Variants in CACNA1D observed in about 807,000 individuals in gnomAD.
CACNA1D encodes voltage-dependent L-type calcium channel subunit alpha-1D.
A neutral mutation model predicts 257.1 loss-of-function variants in CACNA1D; 55 were observed. The ratio of observed to expected loss-of-function variants is 0.21; its 90% CI spans 0.17 to 0.27. The LOEUF is 0.27. CACNA1D is among the 10% of genes least tolerant of loss of function. CACNA1D has a pLI of 1.00. For missense variants in CACNA1D, 1,876 were observed against 2,784.0 expected (o/e 0.67, Z 7.34); for synonymous variants, 980 against 1,014.9 (o/e 0.97, Z 0.65).
At chr3:53,589,105 T>G (rs1363539915) in intron 3 of CACNA1D, among the ~76,000 whole-genome samples, 10 of 152,338 alleles carry the variant, frequency 6.6e-5, no homozygotes, top group African/African-American at 2.4e-4. Flanking sequence ...TCCAATGTAT[T>G]TAAACCTTTA....
At chr3:53,620,291 C>G (rs1239875480) in intron 3 of CACNA1D, among the ~76,000 whole-genome samples, 11 of 152,084 alleles carry the variant, frequency 7.2e-5, no homozygotes, top group Non-Finnish European at 1.2e-4. Context: ...GTCCATCTCT[C>G]TTTTCTTCTT....
chr3:53,647,083 C>G (rs2094029181), intron 3 of CACNA1D, among the ~76,000 whole-genome samples: 1 of 152,016 alleles, frequency 6.6e-6, no homozygotes, highest in South Asian at 2.1e-4. Context: ...TAGATTTCAG[C>G]CTTTGTTTCT....
At chr3:53,619,143 AC>A in intron 3 of CACNA1D, among the ~76,000 whole-genome samples, 1 of 152,038 alleles carries the variant, frequency 6.6e-6, no homozygotes. Flanking sequence ...AAACGGGCAC[AC>A]CCCACAGTGG....
At chr3:53,625,584 A>G (rs2093748802) in intron 3 of CACNA1D, among the ~76,000 whole-genome samples, 1 of 152,108 alleles carries the variant, frequency 6.6e-6, no homozygotes, top group Non-Finnish European at 1.5e-5. Flanking sequence ...CCACCCTACA[A>G]GCATCCCTTT....
chr3:53,788,693 C>T (rs550414137), intron 40 of CACNA1D, among the ~76,000 whole-genome samples: 140 of 152,158 alleles, frequency 9.2e-4, no homozygotes, highest in Non-Finnish European at 1.8e-3. Context: ...TTTCCCAGTG[C>T]CCTCTGCTTG....
chr3:53,801,717 C>G (rs1437203532), intron 42 of CACNA1D, among the ~76,000 whole-genome samples: 1 of 152,226 alleles, frequency 6.6e-6, no homozygotes, highest in Non-Finnish European at 1.5e-5. Context: ...TGCTCACATA[C>G]TGTGCGACAG....
chr3:53,764,477 G>A (rs1039711383), intron 30 of CACNA1D, among the ~76,000 whole-genome samples: 2 of 152,254 alleles, frequency 1.3e-5, no homozygotes, highest in Admixed American at 6.5e-5. Flanking sequence ...TTCAAGTGCT[G>A]TGCAGGTGGT....
intron 20 of CACNA1D, 84 bp downstream of exon 20, chr3:53,735,587 G>A (rs939945688): frequency 3.1e-5 from 46 of 1,487,550 alleles, no homozygotes; most frequent in Middle Eastern, 1.8e-4. Flanking sequence ...AGCTGTGGAG[G>A]CCCTCAAGGT....
Position 53,632,400 on chromosome 3 carries a change from G to A in CACNA1D, c.484-18379G>A, listed in dbSNP as rs76561568. On this transcript the variant is annotated intron_variant, in intron 3 of 47. Coordinates refer to ENST00000350061, the MANE Select transcript of CACNA1D (RefSeq NM_001128840.3). Reference sequence around the variant, plus strand: ...GGATTAGACTTTGGCACAAGAGAATGGGCTGGTTTGATCTTCTGTCCAGAC... The same window carrying A: ...GGATTAGACTTTGGCACAAGAGAATAGGCTGGTTTGATCTTCTGTCCAGAC... 1.5e-3 allele frequency among the ~76,000 whole-genome samples: 224 copies of A among 152,314 alleles called. 5 individuals carry two copies. The East Asian group carries it at 0.029, about 20-fold the overall frequency.
intron 3 of CACNA1D, among the ~76,000 whole-genome samples, chr3:53,567,970 C>G (rs2092876096): frequency 1.3e-5 from 2 of 152,138 alleles, no homozygotes; most frequent in African/African-American, 4.8e-5. Context: ...GAGCACTAGG[C>G]TGCGGGGGTT....
chr3:53,733,930 T>TTGTGTG (rs397961374), intron 19 of CACNA1D, among the ~76,000 whole-genome samples: 11,182 of 133,940 alleles, frequency 0.083, 546 homozygotes, highest in Non-Finnish European at 0.11. Context: ...GTGTGTGTGT[T>TTGTGTG]TGTGTGTGTG....
chr3:53,792,613 C>A (rs549659511), intron 40 of CACNA1D, among the ~76,000 whole-genome samples: 11 of 152,152 alleles, frequency 7.2e-5, no homozygotes, highest in Non-Finnish European at 1.5e-4. Context: ...TAGAAGTGGA[C>A]ACCCTTCCAA....
At chr3:53,597,867 A>G (rs184099501) in intron 3 of CACNA1D, among the ~76,000 whole-genome samples, 7 of 152,352 alleles carry the variant, frequency 4.6e-5, no homozygotes, top group Non-Finnish European at 7.4e-5. Context: ...GTGTTCAGTT[A>G]TCAACAATTA....
intron 5 of CACNA1D, among the ~76,000 whole-genome samples, chr3:53,663,316 G>A (rs1219326974): frequency 6.6e-6 from 1 of 152,174 alleles, no homozygotes; most frequent in Non-Finnish European, 1.5e-5. Flanking sequence ...TGAGATGATA[G>A]CAGAAGATGG....
At chr3:53,667,457 A>G (rs951443483) in intron 7 of CACNA1D, among the ~76,000 whole-genome samples, 36 of 152,224 alleles carry the variant, frequency 2.4e-4, no homozygotes, top group African/African-American at 8.4e-4. Flanking sequence ...CAGGATTCCA[A>G]TCATGAGTTG....
chr3:53,561,175 T>C (rs2092731686), intron 3 of CACNA1D, among the ~76,000 whole-genome samples: 2 of 152,202 alleles, frequency 1.3e-5, no homozygotes, highest in African/African-American at 4.8e-5. Flanking sequence ...TCCAGGCCTG[T>C]CCAGCACCAA....
At chr3:53,699,080 C>T (rs574328837) in intron 8 of CACNA1D, among the ~76,000 whole-genome samples, 7 of 152,274 alleles carry the variant, frequency 4.6e-5, no homozygotes, top group South Asian at 2.1e-4. Flanking sequence ...GAAGGTGCCT[C>T]GGACTTGAGG....
intron 3 of CACNA1D, among the ~76,000 whole-genome samples, chr3:53,504,916 G>C (rs963660267): frequency 6.6e-6 from 1 of 151,988 alleles, no homozygotes; most frequent in African/African-American, 2.4e-5. Flanking sequence ...GGAACTGCTT[G>C]AAATTAAAAA....
In CACNA1D at chr3:53,495,037, C is replaced by G. The variant is rs1251416872; in HGVS notation, c.-130C>G. ...ATTTGTCCCCGTCCCTCCCCACCCC[C>G]CTGCTGAAGCGAGAATAAGGGCAGG... is the stretch of plus-strand genomic sequence containing the variant. On this transcript the variant is annotated 5_prime_UTR_variant, in exon 1 of 48. Transcript: ENST00000350061. This position sits in a 1 kb window ranked among gnomAD's most constrained non-coding sequence, Gnocchi z 5.1. The G allele has an allele frequency of 1.3e-5, 7 of 532,494 alleles. No individual in the cohort carries two copies. In the East Asian group the frequency reaches 1.5e-4, roughly 11 times the overall value. 33.0% of individuals were successfully genotyped at this position (532,494 alleles called of 1,614,324 possible).
Sources: gnomAD v4.1 joint callset for allele counts (sites outside exome capture counted in the v4.1 genomes callset) on GRCh38, gnomAD v4.1.1 for gene constraint, Gnocchi (gnomAD v3.1) non-coding constraint, MANE v1.5 for transcripts, NCBI Gene and HGNC (gene_info 2026-07-23, HGNC 2026-07-21) for gene names.